NBAS: variants seen among roughly 807,000 people sequenced by gnomAD.
NBAS encodes the protein NAG/BC035112 fusion.
Under a neutral mutation model 302.5 loss-of-function variants are expected in NBAS, and 219 were observed. That is an observed-to-expected ratio of 0.72 (90% confidence interval 0.65 to 0.81). The LOEUF is 0.81. Among genes scored for constraint, NBAS ranks in the 30% least tolerant of loss-of-function variants. NBAS has a pLI of 0.00. For missense variants in NBAS, 2,932 were observed against 2,841.6 expected, an observed-to-expected ratio of 1.03 and a Z score of -0.72; for synonymous variants, 1,118 against 1,021.6, an observed-to-expected ratio of 1.09 and a Z score of -1.80.
At chr2:15,475,111 A>AT (rs1680133434) in intron 14 of NBAS, among the ~76,000 whole-genome samples, 1 of 152,238 alleles carries the variant, frequency 6.6e-6, no homozygotes, top group African/African-American at 2.4e-5. Context: ...GCTGGCTTAG[A>AT]TTTTAAGCCA....
At position 15,439,024 on chromosome 2, in the gene NBAS, G is replaced by A. The variant is rs547455897; in HGVS notation, c.2340-11230C>T. ...TAAAGAATATTACCCGGCCGGGCAC[G>A]GTGGCTCATGCCTGTAATCCCAGCA... is the stretch of plus-strand genomic sequence containing the variant. On this transcript the variant is annotated intron_variant, in intron 21 of 51. Coordinates refer to ENST00000281513, the MANE Select transcript of NBAS (RefSeq NM_015909.4). Among the ~76,000 whole-genome samples the A allele has an allele frequency of 4.5e-4, 69 of 152,102 alleles. No homozygotes were observed. The South Asian group carries it at 9.6e-3, about 21-fold the overall frequency.
intron 11 of NBAS, among the ~76,000 whole-genome samples, chr2:15,497,725 T>C (rs547921079): frequency 3.0e-4 from 46 of 152,258 alleles, no homozygotes; most frequent in South Asian, 1.0e-3. Flanking sequence ...CTGAAAGGTA[T>C]TGAAAATCTG....
chr2:15,216,894 G>A (rs549121233), intron 48 of NBAS, among the ~76,000 whole-genome samples: 2 of 152,278 alleles, frequency 1.3e-5, no homozygotes, highest in Non-Finnish European at 2.9e-5. Flanking sequence ...GAAACTGACC[G>A]AGGTCGAGAA....
At chr2:15,011,931 A>G in the NBAS span, among the ~76,000 whole-genome samples, 1 of 152,232 alleles carries the variant, frequency 6.6e-6, no homozygotes, top group Admixed American at 6.5e-5. Context: ...ATTTTCCTAA[A>G]AAATCTACTC....
chr2:15,263,771 A>T (rs1295631687), intron 44 of NBAS, among the ~76,000 whole-genome samples: 1 of 152,094 alleles, frequency 6.6e-6, no homozygotes, highest in Non-Finnish European at 1.5e-5. Flanking sequence ...TGACTCTATT[A>T]TTAACCATTT....
intron 16 of NBAS, among the ~76,000 whole-genome samples, chr2:15,471,230 A>G (rs1439585257): frequency 1.3e-5 from 2 of 152,210 alleles, no homozygotes; most frequent in Non-Finnish European, 2.9e-5. Flanking sequence ...AAAACAAGAA[A>G]GAAAAATAAT....
At chr2:15,219,962 T>C (rs1666861936) in intron 47 of NBAS, among the ~76,000 whole-genome samples, 1 of 138,486 alleles carries the variant, frequency 7.2e-6, no homozygotes, top group Non-Finnish European at 1.6e-5. Context: ...GGCTCCTCAC[T>C]TCCCAGTAGG....
chr2:15,108,692 G>A, the NBAS span, among the ~76,000 whole-genome samples: 2 of 152,098 alleles, frequency 1.3e-5, no homozygotes, highest in African/African-American at 4.8e-5. Context: ...ATATCCGCCC[G>A]TGTGAAGTTC....
At chr2:14,914,378 A>G in the NBAS span, among the ~76,000 whole-genome samples, 10 of 152,348 alleles carry the variant, frequency 6.6e-5, no homozygotes, top group East Asian at 1.5e-3. Flanking sequence ...AAGAGACTGC[A>G]CCAGCAAGGG....
the NBAS span, among the ~76,000 whole-genome samples, chr2:14,950,276 A>G: frequency 6.6e-6 from 1 of 152,156 alleles, no homozygotes; most frequent in Non-Finnish European, 1.5e-5. Context: ...TGGTTTTTCC[A>G]TTCCTGAGTT....
intron 2 of NBAS, among the ~76,000 whole-genome samples, chr2:15,557,698 C>A (rs1664712181): frequency 1.3e-5 from 2 of 152,234 alleles, no homozygotes; most frequent in South Asian, 2.1e-4. Context: ...GACTTTGAAG[C>A]CAGAAAGACA....
At chr2:15,322,924 T>C (rs1671886142) in intron 38 of NBAS, among the ~76,000 whole-genome samples, 1 of 152,118 alleles carries the variant, frequency 6.6e-6, no homozygotes, top group Non-Finnish European at 1.5e-5. Flanking sequence ...TAAAAGAGAT[T>C]ATTATTATTA....
the NBAS span, among the ~76,000 whole-genome samples, chr2:14,992,416 G>A: frequency 6.6e-6 from 1 of 152,190 alleles, no homozygotes; most frequent in South Asian, 2.1e-4. Flanking sequence ...ACATCCTGTT[G>A]TGCCTAAGAC....
chr2:15,511,321 G>A lies in NBAS; in HGVS notation c.776C>T (p.Ala259Val), dbSNP rs1289769239. 6.2e-7 allele frequency: 1 copy of A among 1,614,024 alleles called. No homozygotes were observed. The highest frequency in any genetic ancestry group is 1.7e-5 in the Admixed American group (1 of 60,014). The change falls in exon 10 of 52, where the codon GCT becomes GTT. Residue 259 changes from alanine (A) to valine (V), a missense_variant. Coordinates refer to ENST00000281513, the MANE Select transcript of NBAS (RefSeq NM_015909.4). ...RLLLVGGCET[A>V]EVGMSKASSC... ...AGAAGCTTTTGACATGCCTACTTCA[G>A]CAGTTTCACATCCACCAACAAGTAA...
chr2:15,186,845 A>G lies in NBAS; in HGVS notation c.6608T>C (p.Val2203Ala). Residue 2203 changes from valine (V) to alanine (A), a missense_variant, in exon 50 of 52, where the codon GTG (valine) becomes GCG (alanine). Physicochemically the swap from Val to Ala is moderately conservative, Grantham distance 64. Transcript: ENST00000281513. ...CTCCATCGTACATCTGGTTAGCATC[A>G]CTGTAGCTAGTCTCACCCATGGATT... ...TNNPWVRLAT[V>A]MLTRCTMENK... 3 of 1,613,938 alleles carry G rather than the reference A, an allele frequency of 1.9e-6. No individual in the cohort carries two copies. The South Asian group carries it at 3.3e-5, about 18-fold the overall frequency.
At chr2:15,120,383 C>A in the NBAS span, among the ~76,000 whole-genome samples, 2 of 152,192 alleles carry the variant, frequency 1.3e-5, no homozygotes, top group African/African-American at 2.4e-5. Context: ...GATTAAGTGA[C>A]AAGCCCACAC....
intron 50 of NBAS, among the ~76,000 whole-genome samples, chr2:15,180,640 G>T (rs1664776508): frequency 6.6e-6 from 1 of 152,192 alleles, no homozygotes; most frequent in South Asian, 2.1e-4. Flanking sequence ...GATGTGCGGG[G>T]CCCCTTCTGA....
the NBAS span, among the ~76,000 whole-genome samples, chr2:14,873,045 G>C: frequency 2.0e-5 from 3 of 152,200 alleles, no homozygotes; most frequent in East Asian, 5.8e-4. Context: ...GGGGACTCTC[G>C]GCAGGTGGCC....
chr2:15,380,964 A>G (rs6748451), intron 29 of NBAS, among the ~76,000 whole-genome samples: 94,130 of 152,012 alleles, frequency 0.62, 29,952 homozygotes, highest in Middle Eastern at 0.68. Context: ...TAAAAACACT[A>G]TATCTAAGAG....
Sources: gnomAD v4.1 joint callset for allele counts (sites outside exome capture counted in the v4.1 genomes callset) on GRCh38, gnomAD v4.1.1 for gene constraint, MANE v1.5 for transcripts, NCBI Gene and HGNC (gene_info 2026-07-23, HGNC 2026-07-21) for gene names.